CACNA1A: variants seen among roughly 807,000 people sequenced by gnomAD.
The protein encoded by CACNA1A is calcium voltage-gated channel subunit alpha1 A.
In CACNA1A, 57 loss-of-function variants were observed where a neutral mutation model predicts 262.4. The observed-to-expected ratio is 0.22, with a 90% CI of 0.18 to 0.27. CACNA1A has a LOEUF of 0.27. Ranked by LOEUF, CACNA1A falls within the 10% of genes least tolerant of loss-of-function variation. The pLI, the probability that CACNA1A is intolerant of heterozygous loss-of-function variation, is 1.00. For synonymous variants in CACNA1A, 1,431 were observed against 1,419.3 expected (o/e 1.01, Z -0.18); for missense variants, 2,526 against 3,562.8 (o/e 0.71, Z 7.41).
chr19:13,466,208 C>CAT (rs2061233620), intron 1 of CACNA1A, among the ~76,000 whole-genome samples: 1 of 146,840 alleles, frequency 6.8e-6, no homozygotes, highest in Non-Finnish European at 1.5e-5. Flanking sequence ...TTTGGTTTTG[C>CAT]TTTTTTTTTT....
At position 13,262,731 on chromosome 19, in the gene CACNA1A, C is replaced by T. The variant is rs781595676; in HGVS notation, c.4089+3G>A. 1.5e-5 allele frequency: 24 copies of T among 1,598,264 alleles called. No individual in the cohort carries two copies. Among genetic ancestry groups the T allele is most frequent in the Non-Finnish European group, 8.6e-7 (1 of 1,166,878 alleles). On this transcript the variant is annotated splice_donor_region_variant and intron_variant, in intron 25 of 46. Transcript: ENST00000360228. ...ACCGCACCCCACCATCTCCCAATCTCACCTTGAGCTTTGGCAGCCGCTTGA... is the reference window on the plus strand; with the variant it reads ...ACCGCACCCCACCATCTCCCAATCTTACCTTGAGCTTTGGCAGCCGCTTGA...
rs374555263 is a variant in CACNA1A, at chr19:13,257,530, G to A, written c.4410C>T (p.Asp1470=). ...GWPQVLKHSV[D]ATFENQGPSP... ...TGGGGCCCTGGTTCTCAAAGGTGGC[G>A]TCCACCGAATGCTTGAGGACCCTGC... The change falls in exon 28 of 47, where the codon GAC becomes GAT. Residue 1470 remains aspartate (D), a synonymous_variant. Coordinates refer to ENST00000360228, the MANE Select transcript of CACNA1A (RefSeq NM_001127222.2). The A allele has an allele frequency of 3.1e-4, 488 of 1,587,092 alleles. No homozygotes were observed. The highest frequency in any genetic ancestry group is 3.9e-4 in the Non-Finnish European group (460 of 1,165,838).
intron 1 of CACNA1A, among the ~76,000 whole-genome samples, chr19:13,477,929 C>T (rs957334233): frequency 1.3e-5 from 2 of 152,144 alleles, no homozygotes. Flanking sequence ...TCAGAGACCT[C>T]GTGACAGTCA....
intron 34 of CACNA1A, among the ~76,000 whole-genome samples, chr19:13,232,264 A>G (rs935081110): frequency 6.9e-6 from 1 of 145,152 alleles, no homozygotes; most frequent in African/African-American, 2.6e-5. Flanking sequence ...TGGCACAATC[A>G]CTGCTCACTG....
intron 3 of CACNA1A, among the ~76,000 whole-genome samples, chr19:13,378,777 C>T (rs2059460932): frequency 6.6e-6 from 1 of 151,742 alleles, no homozygotes; most frequent in Non-Finnish European, 1.5e-5. Flanking sequence ...AAGCAATTCT[C>T]GTGCCTCAGC....
chr19:13,252,860 C>T (rs2056439126), intron 30 of CACNA1A, 131 bp downstream of exon 30: 1 of 578,502 alleles, frequency 1.7e-6, no homozygotes, highest in African/African-American at 1.9e-5. Flanking sequence ...TCTGTGGCCA[C>T]TGGCAGGATA....
intron 1 of CACNA1A, among the ~76,000 whole-genome samples, chr19:13,458,196 G>GGC (rs2061050801): frequency 6.6e-6 from 1 of 151,868 alleles, no homozygotes. Context: ...ATTTTGCTCT[G>GGC]TCACCCAGGC....
In CACNA1A at chr19:13,208,168, AGGAGGG is replaced by A. The variant is rs148672975; in HGVS notation, c.6781-121_6781-116del. On this transcript the variant is annotated intron_variant, in intron 46 of 46. Transcript: ENST00000360228. ...AGGGAGAGGGGCCGGGAGGAGAGGG[AGGAGGG>A]GGAGGGGGAGGAGGAGGAGGAGGAG... 45,901 of 100,170 alleles carry A rather than the reference AGGAGGG, an allele frequency of 0.46. 10,131 individuals carry two copies. Among genetic ancestry groups the A allele is most frequent in the Middle Eastern group, 0.63 (127 of 202 alleles). The allele number at this position is 100,170 out of a possible 1,614,324, so 6.2% of individuals were successfully genotyped here.
At chr19:13,398,128 T>G (rs2059840002) in intron 3 of CACNA1A, among the ~76,000 whole-genome samples, 1 of 152,026 alleles carries the variant, frequency 6.6e-6, no homozygotes, top group African/African-American at 2.4e-5. Context: ...CCAGGTGTGG[T>G]GGCGGGCACC....
chr19:13,450,697 C>T (rs1173541585), intron 3 of CACNA1A: 1 of 152,222 alleles, frequency 6.6e-6, no homozygotes, highest in Admixed American at 6.5e-5. Context: ...TTATTCTCTA[C>T]TTAGTTTTGC....
At chr19:13,238,908 A>T (rs1273277122) in intron 31 of CACNA1A, among the ~76,000 whole-genome samples, 1 of 151,754 alleles carries the variant, frequency 6.6e-6, no homozygotes, top group Admixed American at 6.6e-5. Flanking sequence ...TTTAAGCCAG[A>T]CCCGACTGCT....
At position 13,288,902 on chromosome 19, in the gene CACNA1A, G is replaced by A. The variant is rs141321220; in HGVS notation, c.3090-1936C>T. Among the ~76,000 whole-genome samples, 473 of 152,242 alleles carry A rather than the reference G, an allele frequency of 3.1e-3. 1 individual carries two copies. Among genetic ancestry groups the A allele is most frequent in the African/African-American group, 0.011 (442 of 41,538 alleles). ...GCATTTTAACTTGCAAAAACCCACG[G>A]TGTTTTTAGTAAGTGGAAGAGAGAC... On this transcript the variant is annotated intron_variant, in intron 19 of 46. Transcript: ENST00000360228.
At chr19:13,490,689 AAAG>A (rs1334631313) in intron 1 of CACNA1A, among the ~76,000 whole-genome samples, 3 of 88,116 alleles carry the variant, frequency 3.4e-5, no homozygotes, top group South Asian at 8.8e-4. Flanking sequence ...AGAGAGAAAG[AAAG>A]GAAAGAAAGA....
intron 6 of CACNA1A, among the ~76,000 whole-genome samples, chr19:13,354,885 T>C (rs1398422363): frequency 8.3e-6 from 1 of 120,152 alleles, no homozygotes; most frequent in African/African-American, 3.0e-5. Context: ...TTTTTTTTTT[T>C]TTTTTTTGAG....
At chr19:13,217,964 T>G (rs2055080614) in intron 38 of CACNA1A, among the ~76,000 whole-genome samples, 2 of 135,922 alleles carry the variant, frequency 1.5e-5, no homozygotes, top group South Asian at 2.3e-4. Context: ...AAAAAAGAGA[T>G]AGGGTCTCAC....
At chr19:13,494,759 A>G (rs1255853198) in intron 1 of CACNA1A, among the ~76,000 whole-genome samples, 1 of 152,080 alleles carries the variant, frequency 6.6e-6, no homozygotes, top group African/African-American at 2.4e-5. Context: ...GCAGCAGGAG[A>G]GGAGAGAGAG....
chr19:13,311,959 C>T (rs1019686600), intron 12 of CACNA1A, among the ~76,000 whole-genome samples: 9 of 152,214 alleles, frequency 5.9e-5, no homozygotes, highest in African/African-American at 2.2e-4. Context: ...CACTTATTTG[C>T]GAACAACCTT....
chr19:13,449,819 G>A lies in CACNA1A; in HGVS notation c.539+3057C>T, dbSNP rs2060882411. Among the ~76,000 whole-genome samples, 3 of 152,276 alleles carry A rather than the reference G, an allele frequency of 2.0e-5. No homozygotes were observed. In the South Asian group the frequency reaches 6.2e-4, roughly 32 times the overall value. The stretch of plus-strand genomic sequence containing the variant: ...GAGAGAAAGGAATGGGTCTAGGGAG[G>A]GAGAAAACAGGGATTAGAAAGGTTA... On this transcript the variant is annotated intron_variant, in intron 3 of 46. Transcript: ENST00000360228.
At chr19:13,388,056 G>A (rs2059645422) in intron 3 of CACNA1A, among the ~76,000 whole-genome samples, 1 of 151,900 alleles carries the variant, frequency 6.6e-6, no homozygotes, top group African/African-American at 2.4e-5. Context: ...CCTAACCTCA[G>A]GTTAGATAAA....
Sources: gnomAD v4.1 joint callset for allele counts (sites outside exome capture counted in the v4.1 genomes callset) on GRCh38, gnomAD v4.1.1 for gene constraint, MANE v1.5 for transcripts, NCBI Gene and HGNC (gene_info 2026-07-23, HGNC 2026-07-21) for gene names.